Variants in NFIX observed in about 807,000 individuals in gnomAD.
The protein encoded by NFIX is nuclear factor I X.
NFIX carries 2 observed loss-of-function variants against 53.3 expected under a neutral mutation model. The observed-to-expected ratio is 0.04, with a 90% CI of 0.02 to 0.12. NFIX has a LOEUF of 0.12. Ranked by LOEUF, NFIX falls within the 10% of genes least tolerant of loss-of-function variation. The probability of loss-of-function intolerance (pLI) is 1.00; values close to 1 mark genes in which losing one functional copy is unlikely to be tolerated. For synonymous variants in NFIX, 244 were observed against 289.0 expected, an observed-to-expected ratio of 0.84 and a Z score of 1.58; for missense variants, 310 against 674.5, an observed-to-expected ratio of 0.46 and a Z score of 5.99.
intron 2 of NFIX, among the ~76,000 whole-genome samples, chr19:13,035,235 C>T (rs1482902650): frequency 2.6e-5 from 4 of 152,210 alleles, no homozygotes; most frequent in Admixed American, 2.0e-4. Context: ...CTCTGAGCAT[C>T]GTCTACTCCT....
intron 1 of NFIX, among the ~76,000 whole-genome samples, chr19:13,020,439 C>A (rs1036162156): frequency 1.3e-5 from 2 of 152,172 alleles, no homozygotes; most frequent in Non-Finnish European, 2.9e-5. Flanking sequence ...GAGAAAGAGA[C>A]CTTCTCATCT....
At chr19:13,032,324 T>C (rs1428901385) in intron 2 of NFIX, among the ~76,000 whole-genome samples, 2 of 151,952 alleles carry the variant, frequency 1.3e-5, no homozygotes, top group Non-Finnish European at 2.9e-5. Context: ...GGAGGAGGTG[T>C]AGGGGTTTAA....
Position 13,040,908 on chromosome 19 carries a change from A to G in NFIX, c.559+15356A>G, listed in dbSNP as rs921530680. Among the ~76,000 whole-genome samples the G allele has an allele frequency of 2.0e-5, 3 of 151,610 alleles. No individual in the cohort carries two copies. The highest frequency in any genetic ancestry group is 7.3e-5 in the African/African-American group (3 of 41,192). On this transcript the variant is annotated intron_variant, in intron 2 of 10. Transcript: ENST00000592199. This position sits in a 1 kb window ranked among gnomAD's most constrained non-coding sequence, Gnocchi z 4.2. Reference sequence around the variant, plus strand: ...CGAGCACTCCACTTTCTACCTTAAGACTCTCTAGATAGCTCCTTCCTCCTC... The same window carrying G: ...CGAGCACTCCACTTTCTACCTTAAGGCTCTCTAGATAGCTCCTTCCTCCTC...
At chr19:13,016,063 C>T (rs1182005303) in intron 1 of NFIX, among the ~76,000 whole-genome samples, 1 of 152,118 alleles carries the variant, frequency 6.6e-6, no homozygotes. Context: ...GGTGGGGTTA[C>T]ATGGGTGTGT....
rs886463347 is a variant in NFIX, at chr19:13,001,304, C to G, written c.27+5440C>G. 1.7e-4 allele frequency among the ~76,000 whole-genome samples: 26 copies of G among 152,188 alleles called. No individual in the cohort carries two copies. Among genetic ancestry groups the G allele is most frequent in the Non-Finnish European group, 3.2e-4 (22 of 68,038 alleles). Reference sequence around the variant, plus strand: ...GTGTCTGCCCGGGTCCCTCTCCATGCCTCTCCATGTCTCCCAGCGTCCATC... The same window carrying G: ...GTGTCTGCCCGGGTCCCTCTCCATGGCTCTCCATGTCTCCCAGCGTCCATC... On this transcript the variant is annotated intron_variant, in intron 1 of 10. Coordinates refer to ENST00000592199, the MANE Select transcript of NFIX (RefSeq NM_001365902.3). The surrounding 1 kb of genome is among the most constrained non-coding windows in gnomAD (Gnocchi z 6.5).
In NFIX at chr19:13,066,122, T is replaced by C. The variant is rs1404018842; in HGVS notation, c.560-6925T>C. ...GAAGTGTGAGACTGCTCTGCTGGTC[T>C]CCTGGGTACAAGATGAGCTGATGGA... On this transcript the variant is annotated intron_variant, in intron 2 of 10. Coordinates refer to ENST00000592199, the MANE Select transcript of NFIX (RefSeq NM_001365902.3). This position sits in a 1 kb window ranked among gnomAD's most constrained non-coding sequence, Gnocchi z 4.2. Among the ~76,000 whole-genome samples, 4 of 152,278 alleles carry C rather than the reference T, an allele frequency of 2.6e-5. No homozygotes were observed. The highest frequency in any genetic ancestry group is 5.9e-5 in the Non-Finnish European group (4 of 68,006).
chr19:13,058,337 G>T (rs1320172261), intron 2 of NFIX, among the ~76,000 whole-genome samples: 3 of 152,078 alleles, frequency 2.0e-5, no homozygotes, highest in Non-Finnish European at 4.4e-5. Context: ...ATGACCTGAG[G>T]CCCATGACTT....
In NFIX at chr19:13,002,176, G is replaced by C. The variant is rs897959567; in HGVS notation, c.27+6312G>C. On this transcript the variant is annotated intron_variant, in intron 1 of 10. Transcript: ENST00000592199. The surrounding 1 kb of genome is among the most constrained non-coding windows in gnomAD (Gnocchi z 6.1). Reference sequence around the variant, plus strand: ...CTGAGGGCGCGGATTTGGAAACTGAGGTCCCCCCTTCTTTCCCCCTTTCTC... The same window carrying C: ...CTGAGGGCGCGGATTTGGAAACTGACGTCCCCCCTTCTTTCCCCCTTTCTC... Among the ~76,000 whole-genome samples the C allele has an allele frequency of 2.6e-5, 4 of 151,774 alleles. No individual in the cohort carries two copies. The highest frequency in any genetic ancestry group is 6.6e-5 in the Admixed American group (1 of 15,252).
intron 1 of NFIX, chr19:13,023,936 C>CA: frequency 1.6e-6 from 1 of 619,580 alleles, no homozygotes; most frequent in Non-Finnish European, 2.8e-6. Context: ...CCTGCTCCTC[C>CA]TCCTCCCCCC....
chr19:13,055,798 C>A (rs956224019), intron 2 of NFIX, among the ~76,000 whole-genome samples: 7 of 152,192 alleles, frequency 4.6e-5, no homozygotes, highest in African/African-American at 1.7e-4. Context: ...GATCCTCTCT[C>A]TCTGTAGGGC....
intron 2 of NFIX, among the ~76,000 whole-genome samples, chr19:13,055,960 T>C (rs1199369760): frequency 6.6e-6 from 1 of 152,198 alleles, no homozygotes; most frequent in East Asian, 1.9e-4. Flanking sequence ...CAACTCAATA[T>C]ACGTGTGGTT....
At chr19:13,019,833 GA>G (rs1398030498) in intron 1 of NFIX, among the ~76,000 whole-genome samples, 12 of 149,592 alleles carry the variant, frequency 8.0e-5, no homozygotes, top group African/African-American at 2.5e-4. Flanking sequence ...AAACCCATAT[GA>G]ATTTTTAAAA....
chr19:13,007,476 C>T (rs1015602122), intron 1 of NFIX, among the ~76,000 whole-genome samples: 2 of 152,208 alleles, frequency 1.3e-5, no homozygotes, highest in African/African-American at 4.8e-5. Flanking sequence ...GCATCTGGGC[C>T]ACCAGGGGGC....
intron 1 of NFIX, among the ~76,000 whole-genome samples, chr19:13,003,283 C>T (rs2011823088): frequency 6.6e-6 from 1 of 152,182 alleles, no homozygotes; most frequent in South Asian, 2.1e-4. Flanking sequence ...CACCCGGCCA[C>T]ACCCGAACAC....
rs1227553375 is a variant in NFIX at position 13,025,159 on chromosome 19, G to C, written c.166G>C (p.Val56Leu). The C allele has an allele frequency of 6.2e-7, 1 of 1,614,232 alleles. No homozygotes were observed. The highest frequency in any genetic ancestry group is 8.5e-7 in the Non-Finnish European group (1 of 1,180,046). The change falls in exon 2 of 11, where the codon GTG becomes CTG. Residue 56 changes from valine to leucine, a missense_variant. By Grantham distance (32) the Val-to-Leu change is conservative. Coordinates refer to ENST00000592199, the MANE Select transcript of NFIX (RefSeq NM_001365902.3). This position sits in a 1 kb window ranked among gnomAD's most constrained non-coding sequence, Gnocchi z 7.5. ...GATGTCGAAGGACGAGGAGCGGGCG[G>C]TGAAGGACGAGCTGCTGGGCGAGAA... ...KRMSKDEERA[V>L]KDELLGEKPE...
At chr19:13,007,198 A>G (rs996292463) in intron 1 of NFIX, among the ~76,000 whole-genome samples, 26 of 149,550 alleles carry the variant, frequency 1.7e-4, no homozygotes, top group Admixed American at 9.3e-4. Context: ...ATAGGCGCCA[A>G]CCTCACTTCC....
At chr19:13,044,792 C>T (rs932592512) in intron 2 of NFIX, among the ~76,000 whole-genome samples, 7 of 152,178 alleles carry the variant, frequency 4.6e-5, no homozygotes, top group African/African-American at 1.4e-4. Flanking sequence ...CAGGGCGCTG[C>T]GTCTCCACCG....
chr19:13,050,703 G>T (rs2015274913), intron 2 of NFIX, among the ~76,000 whole-genome samples: 2 of 152,152 alleles, frequency 1.3e-5, no homozygotes, highest in Admixed American at 1.3e-4. Flanking sequence ...CTGGACCCCT[G>T]GGTGTCGGTG....
chr19:13,056,966 CG>C (rs1315805346), intron 2 of NFIX, among the ~76,000 whole-genome samples: 1 of 152,244 alleles, frequency 6.6e-6, no homozygotes, highest in Non-Finnish European at 1.5e-5. Flanking sequence ...CAACCTGGGA[CG>C]GTGGTCTCCC....
Sources: allele counts gnomAD v4.1 joint callset (sites outside exome capture counted in the v4.1 genomes callset), GRCh38; gene constraint gnomAD v4.1.1; non-coding constraint Gnocchi (gnomAD v3.1); transcripts MANE v1.5; gene names NCBI Gene and HGNC (gene_info 2026-07-23, HGNC 2026-07-21).